ADAR: variants seen among roughly 807,000 people sequenced by gnomAD.
ADAR encodes adenosine deaminase RNA specific.
ADAR carries 41 observed loss-of-function variants against 113.2 expected under a neutral mutation model. The observed-to-expected ratio is 0.36, with a 90% CI of 0.28 to 0.47. The LOEUF (loss-of-function observed/expected upper bound fraction) is 0.47, where lower values mean the gene tolerates loss of function less well. ADAR is among the 20% of genes least tolerant of loss of function. The pLI is 1.00. For missense variants in ADAR, 1,242 were observed against 1,540.9 expected (o/e 0.81, Z 3.25); for synonymous variants, 605 against 572.6 (o/e 1.06, Z -0.81).
chr1:154,596,796 G>A lies in ADAR; in HGVS notation c.2270+9C>T. 1 of 1,612,536 alleles carries A rather than the reference G, an allele frequency of 6.2e-7. No homozygotes were observed. The highest frequency in any genetic ancestry group is 8.5e-7 in the Non-Finnish European group (1 of 1,179,988). ...TGACACATGCATTAGCCAGGACTAG[G>A]ACACTCACTTGGGCTCGTGAGGAGG... is the stretch of plus-strand genomic sequence containing the variant. On this transcript the variant is annotated intron_variant, in intron 6 of 14. Coordinates refer to ENST00000368474, the MANE Select transcript of ADAR (RefSeq NM_001111.5).
exon 1 of ADAR, chr1:154,627,914 A>AACCTCCCCCCCCCCCCCCCCCC: frequency 2.2e-6 from 1 of 463,322 alleles, no homozygotes; most frequent in South Asian, 1.5e-5. Flanking sequence ...TGCGGCCGCG[A>AACCTCCCCCCCCCCCCCCCCCC]CCCTCCCCCC....
Position 154,590,304 on chromosome 1 carries a change from C to G in ADAR, c.2376G>C (p.Leu792Phe). 1 of 1,614,174 alleles carries G rather than the reference C, an allele frequency of 6.2e-7. No homozygotes were observed. Among genetic ancestry groups the G allele is most frequent in the Non-Finnish European group, 8.5e-7 (1 of 1,180,034 alleles). ...QEAADAALRVLIGENEKAERM... is the reference protein window; with the variant it reads ...QEAADAALRVFIGENEKAERM... ...GTTCTGCCTTCTCGTTCTCCCCAAT[C>G]AAGACACGGAGAGCCGCATCTGCTG... Residue 792 changes from leucine (L) to phenylalanine (F), a missense_variant, in exon 7 of 15, where the codon TTG (leucine) becomes TTC (phenylalanine). By Grantham distance (22) the Leu-to-Phe change is conservative. Transcript: ENST00000368474.
chr1:154,608,356 C>T (rs1220327303), upstream of ADAR: 2 of 356,936 alleles, frequency 5.6e-6, no homozygotes, highest in East Asian at 1.2e-4. Context: ...GAGGCGGAGT[C>T]TCGCTCTTTT....
chr1:154,585,040 T>C lies in ADAR; in HGVS notation c.3447A>G (p.Pro1149=). 6.2e-7 allele frequency: 1 copy of C among 1,613,850 alleles called. No individual in the cohort carries two copies. The highest frequency in any genetic ancestry group is 8.5e-7 in the Non-Finnish European group (1 of 1,179,978). Residue 1149 remains proline (P), a synonymous_variant, in exon 15 of 15, where the codon CCA becomes CCG. Transcript: ENST00000368474. ...LDGTRGTVDG[P]RNELSRVSKK... is the part of the protein sequence containing the mutation. The stretch of plus-strand genomic sequence containing the variant: ...TGGAGACCCGGGACAATTCATTCCG[T>C]GGCCTAGAGAAACAAAAGCACTCAT...
At position 154,583,144 on chromosome 1, in the gene ADAR, G is replaced by A. The variant is rs1696515847; in HGVS notation, c.*1662C>T. The A allele has an allele frequency of 6.6e-6, 1 of 152,210 alleles. No homozygotes were observed. Among genetic ancestry groups the A allele is most frequent in the Non-Finnish European group, 1.5e-5 (1 of 68,044 alleles). The allele number at this position is 152,210 out of a possible 1,614,324, so 9.4% of individuals were successfully genotyped here. A position where few individuals can be genotyped will look rare whatever the true frequency, so the allele number is the denominator to read the frequency against. On this transcript the variant is annotated 3_prime_UTR_variant, in exon 15 of 15. Coordinates refer to ENST00000368474, the MANE Select transcript of ADAR (RefSeq NM_001111.5). ...ATGAAGGTCTGTCATCTAAAGGAGAGAGGCAGGCTCAGCTCCTGAAGGTCG... is the reference window on the plus strand; with the variant it reads ...ATGAAGGTCTGTCATCTAAAGGAGAAAGGCAGGCTCAGCTCCTGAAGGTCG...
intron 6 of ADAR, among the ~76,000 whole-genome samples, chr1:154,593,565 T>C (rs971604719): frequency 2.6e-5 from 4 of 152,224 alleles, no homozygotes; most frequent in Non-Finnish European, 5.9e-5. Context: ...GGAAATGCAC[T>C]GAACCTATCA....
exon 1 of ADAR, chr1:154,627,925 A>ACCCCCC: frequency 3.4e-6 from 1 of 293,264 alleles, no homozygotes; most frequent in Non-Finnish European, 6.7e-6. Flanking sequence ...CCCTCCCCCC[A>ACCCCCC]CCCTCCCCCA....
intron 1 of ADAR, among the ~76,000 whole-genome samples, chr1:154,605,237 T>G (rs1416271358): frequency 6.6e-6 from 1 of 152,132 alleles, no homozygotes; most frequent in African/African-American, 2.4e-5. Context: ...TCCCTCTACA[T>G]GCCAATCCAG....
At chr1:154,607,089 T>C (rs1419673321) in intron 1 of ADAR, among the ~76,000 whole-genome samples, 1 of 152,098 alleles carries the variant, frequency 6.6e-6, no homozygotes, top group Non-Finnish European at 1.5e-5. Context: ...AAAAGCTTTT[T>C]CATGCCACTC....
In ADAR at chr1:154,585,340, C is replaced by A. The variant is rs1696681904; in HGVS notation, c.3320G>T (p.Gly1107Val). The A allele has an allele frequency of 6.2e-7, 1 of 1,613,974 alleles. No homozygotes were observed. Among genetic ancestry groups the A allele is most frequent in the Non-Finnish European group, 8.5e-7 (1 of 1,180,012 alleles). ...TTTGGAATCATATATGCTGACTCTGCCAACCTAGGAATCCCAGAAGCAACG... is the reference window on the plus strand; with the variant it reads ...TTTGGAATCATATATGCTGACTCTGACAACCTAGGAATCCCAGAAGCAACG... ...HPFIVNHPKV[G>V]RVSIYDSKRQ... Residue 1107 changes from glycine (G) to valine (V), a missense_variant, in exon 14 of 15, where the codon GGC becomes GTC. Transcript: ENST00000368474.
Position 154,608,109 on chromosome 1 carries a change from C to T in ADAR, c.-103G>A, listed in dbSNP as rs1032038216. 2.1e-6 allele frequency: 3 copies of T among 1,411,276 alleles called. No homozygotes were observed. Among genetic ancestry groups the T allele is most frequent in the Non-Finnish European group, 2.8e-6 (3 of 1,075,234 alleles). The allele number at this position is 1,411,276 out of a possible 1,614,324, so 87.4% of individuals were successfully genotyped here. A position where few individuals can be genotyped will look rare whatever the true frequency, so the allele number is the denominator to read the frequency against. On this transcript the variant is annotated 5_prime_UTR_variant, in exon 1 of 15. Coordinates refer to ENST00000368474, the MANE Select transcript of ADAR (RefSeq NM_001111.5). ...CGAGGCCCCCACGCCTCCGCTACTC[C>T]GCACTGGAAGTGGCCCCGGGGCGTC...
intron 1 of ADAR, among the ~76,000 whole-genome samples, chr1:154,603,407 A>C (rs1698007203): frequency 6.6e-6 from 1 of 152,206 alleles, no homozygotes. Flanking sequence ...ACCCAGGCTC[A>C]GAAGGGATGC....
At chr1:154,594,178 G>T (rs79567294) in intron 6 of ADAR, among the ~76,000 whole-genome samples, 1 of 152,152 alleles carries the variant, frequency 6.6e-6, no homozygotes, top group African/African-American at 2.4e-5. Flanking sequence ...CACTGCGCCC[G>T]GCTGACATTA....
At position 154,589,895 on chromosome 1, in the gene ADAR, T is replaced by C; in HGVS notation, c.2530A>G (p.Ile844Val). Residue 844 changes from isoleucine (I) to valine (V), a missense_variant, in exon 8 of 15, where the codon ATA becomes GTA. By Grantham distance (29) the Ile-to-Val change is conservative. Around this residue, in one of 2 missense-constraint regions of ADAR, gnomAD observed 780 missense variants for 1,057.9 expected, o/e 0.74. Coordinates refer to ENST00000368474, the MANE Select transcript of ADAR (RefSeq NM_001111.5). ...PLTGSTFHDQ[I>V]AMLSHRCFNT... ...AAGCACCGGTGGCTCAGCATGGCTA[T>C]CTGGTCATGGAAGGTGCTGCCAGTG... The C allele has an allele frequency of 6.2e-7, 1 of 1,614,052 alleles. No homozygotes were observed. Among genetic ancestry groups the C allele is most frequent in the Non-Finnish European group, 8.5e-7 (1 of 1,180,012 alleles).
chr1:154,598,680 TA>T (rs1262468809), intron 2 of ADAR, 95 bp from the exon 3 acceptor site: 1 of 1,277,888 alleles, frequency 7.8e-7, no homozygotes, highest in Non-Finnish European at 1.1e-6. Flanking sequence ...TCTGCTACGC[TA>T]AGGGGCTTTT....
At chr1:154,587,158 C>T (rs1696816039) in intron 11 of ADAR, among the ~76,000 whole-genome samples, 1 of 152,166 alleles carries the variant, frequency 6.6e-6, no homozygotes, top group African/African-American at 2.4e-5. Context: ...AACTCTCCCA[C>T]TCCTGGCCCT....
intron 1 of ADAR, among the ~76,000 whole-genome samples, chr1:154,625,026 G>T (rs1315137241): frequency 6.6e-6 from 1 of 152,074 alleles, no homozygotes; most frequent in East Asian, 1.9e-4. Flanking sequence ...AATGCCTCAG[G>T]ATTTCTTTTT....
chr1:154,598,450 T>C lies in ADAR; in HGVS notation c.1737A>G (p.Gly579=). The change falls in exon 3 of 15, where the codon GGA becomes GGG. Residue 579 remains glycine, a synonymous_variant. Coordinates refer to ENST00000368474, the MANE Select transcript of ADAR (RefSeq NM_001111.5). ...LLEEAKAKDS[G]KSEESSHYST... is the part of the protein sequence containing the mutation. ...AATAGTGGGATGATTCTTCTGATTT[T>C]CCACTGTCCTTGGCTTTGGCTTCCT... 6.2e-7 allele frequency: 1 copy of C among 1,614,230 alleles called. No individual in the cohort carries two copies. The highest frequency in any genetic ancestry group is 8.5e-7 in the Non-Finnish European group (1 of 1,180,024).
intron 8 of ADAR, 118 bp downstream of exon 8, chr1:154,589,639 A>G (rs973151713): frequency 1.5e-6 from 2 of 1,333,544 alleles, no homozygotes; most frequent in Non-Finnish European, 1.1e-6. Flanking sequence ...AATTGACTGT[A>G]GCTAAAATGA....
Sources: gnomAD v4.1 joint callset for allele counts (sites outside exome capture counted in the v4.1 genomes callset) on GRCh38, gnomAD v4.1.1 for gene constraint, gnomAD v4.1.1 regional missense constraint, MANE v1.5 for transcripts, NCBI Gene and HGNC (gene_info 2026-07-23, HGNC 2026-07-21) for gene names.